Variants in SIRPG observed in about 807,000 individuals in gnomAD.
The protein encoded by SIRPG is signal-regulatory protein gamma.
In SIRPG, 38 loss-of-function variants were observed where a neutral mutation model predicts 35.7. The ratio of observed to expected loss-of-function variants is 1.06; its 90% CI spans 0.82 to 1.40. SIRPG has a LOEUF of 1.40. SIRPG is among the 40% of genes most tolerant of loss of function. The pLI, the probability that SIRPG is intolerant of heterozygous loss-of-function variation, is 0.00. For missense variants in SIRPG, 519 were observed against 483.0 expected, an observed-to-expected ratio of 1.07 and a Z score of -0.70; for synonymous variants, 215 against 190.4, an observed-to-expected ratio of 1.13 and a Z score of -1.06.
the SIRPG span, among the ~76,000 whole-genome samples, chr20:1,671,801 C>A: frequency 6.6e-6 from 1 of 152,310 alleles, no homozygotes; most frequent in African/African-American, 2.4e-5. Context: ...AGGAGCATGT[C>A]CTTAAGGCAC....
At chr20:1,644,615 G>A (rs2091883126) in intron 2 of SIRPG, among the ~76,000 whole-genome samples, 1 of 152,228 alleles carries the variant, frequency 6.6e-6, no homozygotes, top group Non-Finnish European at 1.5e-5. Context: ...CAGCCTTAAG[G>A]AGATTCTAGC....
Position 1,657,778 on chromosome 20 carries a change from C to G in SIRPG, c.-64G>C, listed in dbSNP as rs937637954. 3.4e-6 allele frequency: 5 copies of G among 1,482,470 alleles called. No individual in the cohort carries two copies. The African/African-American group carries it at 7.0e-5, about 21-fold the overall frequency. 91.8% of individuals were successfully genotyped at this position (1,482,470 alleles called of 1,614,324 possible). On this transcript the variant is annotated 5_prime_UTR_variant, in exon 1 of 6. Transcript: ENST00000303415. ...TTCTGGGGAGATGTCAGGCCCTGCT[C>G]TGAAGACAGAAGACAAGCCCTGCCT...
In SIRPG at chr20:1,636,355, G is replaced by C. The variant is rs917611496; in HGVS notation, c.581C>G (p.Thr194Ser). 2 of 1,614,122 alleles carry C rather than the reference G, an allele frequency of 1.2e-6. No homozygotes were observed. The highest frequency in any genetic ancestry group is 1.7e-6 in the Non-Finnish European group (2 of 1,180,060). Residue 194 changes from threonine to serine, a missense_variant, in exon 3 of 6, where the codon ACC (threonine) becomes AGC (serine). Transcript: ENST00000303415. ...ACTCTGTCCTGTGGGGTCCACGTTG[G>C]TCTGGAAGTCTGAGAGCTCATTCCC... ...KNGNELSDFQ[T>S]NVDPTGQSVA...
In SIRPG at chr20:1,649,244, G is replaced by T. The variant is rs138635169; in HGVS notation, c.238C>A (p.Gln80Lys). Residue 80 changes from glutamine to lysine, a missense_variant, in exon 2 of 6, where the codon CAA becomes AAA. By Grantham distance (53) the Gln-to-Lys change is moderately conservative. Transcript: ENST00000303415. ...ACCCTGGGGAAGTGGCCTTCTTTTT[G>T]ATTGTAGATTAATTCCCGGCCTGGT... Reference protein sequence around the residue: ...VGPGRELIYNQKEGHFPRVTT... With the variant: ...VGPGRELIYNKKEGHFPRVTT... 1.1e-5 allele frequency: 17 copies of T among 1,614,074 alleles called. No homozygotes were observed. The African/African-American group carries it at 1.2e-4, about 11-fold the overall frequency.
chr20:1,664,888 A>G, the SIRPG span, among the ~76,000 whole-genome samples: 3 of 151,198 alleles, frequency 2.0e-5, no homozygotes, highest in Non-Finnish European at 4.4e-5. Flanking sequence ...CAGCTTTCAG[A>G]GTTGCCTATC....
At chr20:1,650,043 T>C (rs2091930422) in intron 1 of SIRPG, among the ~76,000 whole-genome samples, 1 of 143,616 alleles carries the variant, frequency 7.0e-6, no homozygotes, top group Non-Finnish European at 1.5e-5. Context: ...ATAAGTGTCA[T>C]ATATATTTTT....
At chr20:1,642,286 G>A (rs2091858910) in intron 2 of SIRPG, among the ~76,000 whole-genome samples, 3 of 151,148 alleles carry the variant, frequency 2.0e-5, no homozygotes. Flanking sequence ...CTATATTTAG[G>A]ATAGTTAGTT....
At chr20:1,672,733 G>T in the SIRPG span, among the ~76,000 whole-genome samples, 3 of 126,862 alleles carry the variant, frequency 2.4e-5, no homozygotes, top group African/African-American at 5.4e-5. Flanking sequence ...TGGCTTTTCG[G>T]CCAATCATTT....
chr20:1,661,175 C>A (rs1336130052), upstream of SIRPG, among the ~76,000 whole-genome samples: 1 of 152,100 alleles, frequency 6.6e-6, no homozygotes, highest in Non-Finnish European at 1.5e-5. Context: ...AGATCCTCTG[C>A]CCTCAAGAAT....
the SIRPG span, among the ~76,000 whole-genome samples, chr20:1,672,021 C>A: frequency 6.6e-6 from 1 of 151,160 alleles, no homozygotes; most frequent in Non-Finnish European, 1.5e-5. Context: ...GGGGCCTATT[C>A]CCAACAAGAG....
intron 4 of SIRPG, among the ~76,000 whole-genome samples, chr20:1,631,567 C>G (rs1288932081): frequency 6.6e-6 from 1 of 152,166 alleles, no homozygotes; most frequent in Non-Finnish European, 1.5e-5. Context: ...AGGATGCTTC[C>G]TGCATTCCTG....
the SIRPG span, among the ~76,000 whole-genome samples, chr20:1,673,770 A>C: frequency 1.4e-4 from 21 of 152,320 alleles, no homozygotes; most frequent in East Asian, 4.0e-3. Flanking sequence ...CAGAAGCTGG[A>C]AGCATTTTGG....
rs571207724 is a variant in SIRPG at position 1,631,086 on chromosome 20, G to A, written c.1082-780C>T. Among the ~76,000 whole-genome samples, 5 of 152,252 alleles carry A rather than the reference G, an allele frequency of 3.3e-5. No homozygotes were observed. The South Asian group carries it at 1.0e-3, about 32-fold the overall frequency. On this transcript the variant is annotated intron_variant, in intron 4 of 5. Transcript: ENST00000303415. The stretch of plus-strand genomic sequence containing the variant: ...GTTACGGGGAAGCACATGTTTGGAC[G>A]CTGCATTTTTAACATGAGCAGTTCA...
Position 1,651,956 on chromosome 20 carries a change from C to T in SIRPG, c.74-2548G>A, listed in dbSNP as rs1353729015. On this transcript the variant is annotated intron_variant, in intron 1 of 5. Transcript: ENST00000303415. ...AGCATCTCTGAGTTGTTTTGAGGTG[C>T]CAGTGGCAATGTATTCTACATTTAC... is the stretch of plus-strand genomic sequence containing the variant. Among the ~76,000 whole-genome samples, 4 of 152,120 alleles carry T rather than the reference C, an allele frequency of 2.6e-5. No homozygotes were observed. In the South Asian group the frequency reaches 6.2e-4, roughly 24 times the overall value.
intron 2 of SIRPG, chr20:1,646,433 C>T (rs67826970): frequency 0.035 from 5,369 of 152,358 alleles, 135 homozygotes; most frequent in Middle Eastern, 0.058. Flanking sequence ...TGGGCATGTG[C>T]TCCGCTGAGC....
chr20:1,641,642 A>G (rs2091852994), intron 2 of SIRPG, among the ~76,000 whole-genome samples: 1 of 151,532 alleles, frequency 6.6e-6, no homozygotes, highest in South Asian at 2.1e-4. Context: ...GTCTTCTGCT[A>G]GCTTTTGCTC....
the SIRPG span, among the ~76,000 whole-genome samples, chr20:1,663,607 C>T: frequency 1.3e-5 from 2 of 152,194 alleles, no homozygotes; most frequent in Admixed American, 6.5e-5. Context: ...CGCTATAAAT[C>T]GGCCTTCTTT....
chr20:1,634,115 A>C (rs560541227), intron 4 of SIRPG, among the ~76,000 whole-genome samples: 1 of 152,226 alleles, frequency 6.6e-6, no homozygotes, highest in African/African-American at 2.4e-5. Flanking sequence ...AAATTTGCAG[A>C]GGGGTTTGTG....
the SIRPG span, among the ~76,000 whole-genome samples, chr20:1,678,368 TAAG>T: frequency 1.3e-5 from 2 of 152,032 alleles, no homozygotes; most frequent in African/African-American, 4.8e-5. Context: ...AGTAACAAAA[TAAG>T]AACTGTAACA....
Sources: allele counts gnomAD v4.1 joint callset (sites outside exome capture counted in the v4.1 genomes callset), GRCh38; gene constraint gnomAD v4.1.1; transcripts MANE v1.5; gene names NCBI Gene and HGNC (gene_info 2026-07-23, HGNC 2026-07-21).